Variants in CMIP observed in about 807,000 individuals in gnomAD.
CMIP encodes the protein C-Maf-inducing protein.
CMIP carries 13 observed loss-of-function variants against 97.3 expected under a neutral mutation model. The ratio of observed to expected loss-of-function variants is 0.13; its 90% confidence interval spans 0.09 to 0.21. CMIP has a LOEUF of 0.21. Among genes scored for constraint, CMIP ranks in the 10% least tolerant of loss-of-function variants. The pLI is 1.00. For synonymous variants in CMIP, 538 were observed against 436.3 expected (o/e 1.23, Z -2.91); for missense variants, 847 against 1,024.9 (o/e 0.83, Z 2.37).
At chr16:81,503,087 C>T (rs2089642467) in intron 1 of CMIP, among the ~76,000 whole-genome samples, 1 of 152,226 alleles carries the variant, frequency 6.6e-6, no homozygotes, top group Non-Finnish European at 1.5e-5. Context: ...TTCAGCACAA[C>T]CTAAATATTA....
Position 81,627,626 on chromosome 16 carries a change from G to T in CMIP, c.477+6700G>T, listed in dbSNP as rs910029874. 8.2e-6 allele frequency among the ~76,000 whole-genome samples: 1 copy of T among 121,728 alleles called. No individual in the cohort carries two copies. Among genetic ancestry groups the T allele is most frequent in the African/African-American group, 2.7e-5 (1 of 37,652 alleles). The allele number at this position is 121,728 out of a possible 152,430, so 79.9% of individuals were successfully genotyped here. A position where few individuals can be genotyped will look rare whatever the true frequency, so the allele number is the denominator to read the frequency against. On this transcript the variant is annotated intron_variant, in intron 3 of 20. Transcript: ENST00000537098. The surrounding 1 kb of genome is among the most constrained non-coding windows in gnomAD (Gnocchi z 4.6). ...GGCCACGGAGTGTCCCCTGTGTCCA[G>T]CACTATGTGCCCCTGTGCTCCTGAG...
At chr16:81,632,940 A>T (rs544388737) in intron 3 of CMIP, among the ~76,000 whole-genome samples, 2 of 150,826 alleles carry the variant, frequency 1.3e-5, no homozygotes, top group South Asian at 4.2e-4. Context: ...GTGGCTTCCC[A>T]AACTGCGAAG....
chr16:81,687,572 G>T (rs144638429), intron 10 of CMIP, among the ~76,000 whole-genome samples: 1 of 152,350 alleles, frequency 6.6e-6, no homozygotes, highest in African/African-American at 2.4e-5. Context: ...CCTGAGGTCA[G>T]ATCTCAGCCA....
intron 1 of CMIP, among the ~76,000 whole-genome samples, chr16:81,472,198 G>T (rs933455615): frequency 6.6e-6 from 1 of 152,210 alleles, no homozygotes; most frequent in South Asian, 2.1e-4. Flanking sequence ...TGATGTATAT[G>T]TAACTTTGGG....
intron 1 of CMIP, among the ~76,000 whole-genome samples, chr16:81,585,577 C>G (rs911674637): frequency 2.6e-5 from 4 of 152,154 alleles, no homozygotes; most frequent in Non-Finnish European, 5.9e-5. Context: ...TTCTGAAACC[C>G]TTTGTATCAG....
Position 81,663,175 on chromosome 16 carries a change from A to G in CMIP, c.745-1094A>G, listed in dbSNP as rs556230035. On this transcript the variant is annotated intron_variant, in intron 6 of 20. Coordinates refer to ENST00000537098, the MANE Select transcript of CMIP (RefSeq NM_198390.3). ...TGAGTTCAACACACCTGTCCACACA[A>G]ACATCTACATGCCGACGTTACAGCA... Among the ~76,000 whole-genome samples, 213 of 152,264 alleles carry G rather than the reference A, an allele frequency of 1.4e-3. 1 individual carries two copies. The highest frequency in any genetic ancestry group is 2.3e-3 in the Non-Finnish European group (158 of 68,020).
intron 1 of CMIP, among the ~76,000 whole-genome samples, chr16:81,588,473 G>A (rs1293792283): frequency 2.6e-5 from 4 of 152,164 alleles, no homozygotes; most frequent in Admixed American, 1.3e-4. Flanking sequence ...CCTCGTTTAC[G>A]GGCAGGGTGC....
chr16:81,693,381 A>G lies in CMIP; in HGVS notation c.1482-58A>G, dbSNP rs1179901254. On this transcript the variant is annotated intron_variant, in intron 12 of 20. Transcript: ENST00000537098. ...CTTGACACCATCCCCTCCCCTTCCCACACCTCCCACTCAGTTCCAGACCCC... is the reference window on the plus strand; with the variant it reads ...CTTGACACCATCCCCTCCCCTTCCCGCACCTCCCACTCAGTTCCAGACCCC... The G allele has an allele frequency of 1.1e-5, 17 of 1,582,568 alleles. No individual in the cohort carries two copies. In the African/African-American group the frequency reaches 2.2e-4, roughly 20 times the overall value.
chr16:81,457,017 C>G (rs535799053), intron 1 of CMIP, among the ~76,000 whole-genome samples: 3 of 152,308 alleles, frequency 2.0e-5, no homozygotes, highest in African/African-American at 7.2e-5. Context: ...CTGCAGAGCG[C>G]TCTGTCACAG....
At chr16:81,592,412 T>A (rs1310986921) in intron 1 of CMIP, among the ~76,000 whole-genome samples, 1 of 152,150 alleles carries the variant, frequency 6.6e-6, no homozygotes, top group East Asian at 1.9e-4. Flanking sequence ...GCTCCCCTCC[T>A]TACCTTGACA....
chr16:81,490,094 A>G (rs996704350), intron 1 of CMIP, among the ~76,000 whole-genome samples: 6 of 152,182 alleles, frequency 3.9e-5, no homozygotes, highest in African/African-American at 1.4e-4. Flanking sequence ...AGAGGCCTGT[A>G]GTGTCCCAAG....
intron 1 of CMIP, among the ~76,000 whole-genome samples, chr16:81,531,413 T>G (rs139089738): frequency 1.8e-4 from 27 of 152,352 alleles, no homozygotes; most frequent in Non-Finnish European, 3.8e-4. Flanking sequence ...AGCACATTGC[T>G]GATATGCAGG....
intron 3 of CMIP, among the ~76,000 whole-genome samples, chr16:81,636,079 G>C (rs1323148054): frequency 4.3e-5 from 3 of 69,410 alleles, no homozygotes; most frequent in African/African-American, 9.4e-5. Context: ...TTGTGTGTTT[G>C]TGTGTGTGAG....
At chr16:81,536,184 C>G (rs561674985) in intron 1 of CMIP, among the ~76,000 whole-genome samples, 3 of 152,202 alleles carry the variant, frequency 2.0e-5, no homozygotes, top group African/African-American at 7.2e-5. Context: ...TAAAATTTCA[C>G]GAGGAGAGGC....
intron 1 of CMIP, among the ~76,000 whole-genome samples, chr16:81,559,517 C>T (rs984916289): frequency 3.3e-5 from 5 of 152,122 alleles, no homozygotes; most frequent in East Asian, 1.9e-4. Context: ...TGCATAGTGA[C>T]GTGGTCGGTG....
chr16:81,575,768 G>T (rs543321304), intron 1 of CMIP, among the ~76,000 whole-genome samples: 1 of 152,276 alleles, frequency 6.6e-6, no homozygotes, highest in South Asian at 2.1e-4. Flanking sequence ...TCCTGCCTCT[G>T]GTCCTTCCTG....
chr16:81,593,966 TTCC>T lies in CMIP; in HGVS notation c.301-13593_301-13591del, dbSNP rs376605496. Among the ~76,000 whole-genome samples, 417 of 133,620 alleles carry T rather than the reference TTCC, an allele frequency of 3.1e-3. 2 individuals are homozygous for T. The highest frequency in any genetic ancestry group is 0.011 in the African/African-American group (395 of 35,192). The allele number at this position is 133,620 out of a possible 152,430, so 87.7% of individuals were successfully genotyped here. A position where few individuals can be genotyped will look rare whatever the true frequency, so the allele number is the denominator to read the frequency against. ...CCCTTACCTTCCCCCTACCATACCT[TTCC>T]TCCTCCTGCTCCTCCTCCCCCTCCT... is the stretch of plus-strand genomic sequence containing the variant. On this transcript the variant is annotated intron_variant, in intron 1 of 20. Coordinates refer to ENST00000537098, the MANE Select transcript of CMIP (RefSeq NM_198390.3).
chr16:81,670,787 G>A (rs762644900), intron 8 of CMIP, among the ~76,000 whole-genome samples: 16 of 152,224 alleles, frequency 1.1e-4, no homozygotes, highest in Middle Eastern at 3.4e-3. Flanking sequence ...GAAGTCTCGT[G>A]TCAGGCCGAG....
At chr16:81,590,880 A>AT (rs1249510262) in intron 1 of CMIP, among the ~76,000 whole-genome samples, 4 of 151,218 alleles carry the variant, frequency 2.6e-5, no homozygotes, top group Non-Finnish European at 4.4e-5. Flanking sequence ...TCACATTTCT[A>AT]TTTCCTCTTG....
Sources: allele counts gnomAD v4.1 joint callset (sites outside exome capture counted in the v4.1 genomes callset), GRCh38; gene constraint gnomAD v4.1.1; non-coding constraint Gnocchi (gnomAD v3.1); transcripts MANE v1.5; gene names NCBI Gene and HGNC (gene_info 2026-07-23, HGNC 2026-07-21).